Variants in RAD51B observed in about 807,000 individuals in gnomAD.
RAD51B encodes the protein DNA repair protein RAD51 homolog 2.
In RAD51B, 38 loss-of-function variants were observed where a neutral mutation model predicts 42.2. The ratio of observed to expected loss-of-function variants is 0.90; its 90% CI spans 0.70 to 1.18. RAD51B has a LOEUF of 1.18. RAD51B is among the 50% of genes most tolerant of loss of function. The pLI, the probability that RAD51B is intolerant of heterozygous loss-of-function variation, is 0.00. For missense variants in RAD51B, 373 were observed against 400.7 expected, an observed-to-expected ratio of 0.93 and a Z score of 0.59; for synonymous variants, 154 against 145.2, an observed-to-expected ratio of 1.06 and a Z score of -0.43.
At chr14:68,191,861 G>A (rs1235363763) in intron 7 of RAD51B, among the ~76,000 whole-genome samples, 1 of 152,140 alleles carries the variant, frequency 6.6e-6, no homozygotes, top group Non-Finnish European at 1.5e-5. Flanking sequence ...AGTTACCTTG[G>A]TTGTGTAAGA....
At chr14:68,044,914 C>T (rs982855202) in intron 7 of RAD51B, among the ~76,000 whole-genome samples, 4 of 152,044 alleles carry the variant, frequency 2.6e-5, no homozygotes, top group Non-Finnish European at 4.4e-5. Flanking sequence ...AGTGTGGCAT[C>T]CCATGAGTCT....
At chr14:68,583,399 T>C (rs1594997106) in intron 10 of RAD51B, among the ~76,000 whole-genome samples, 1 of 152,186 alleles carries the variant, frequency 6.6e-6, no homozygotes, top group South Asian at 2.1e-4. Context: ...GGGGTCCAGG[T>C]AAGGGTACAA....
At chr14:67,954,116 C>T (rs567391536) in intron 7 of RAD51B, among the ~76,000 whole-genome samples, 7 of 152,246 alleles carry the variant, frequency 4.6e-5, no homozygotes, top group African/African-American at 1.7e-4. Flanking sequence ...CTCTTCTGTA[C>T]TCCATGGTTA....
intron 8 of RAD51B, among the ~76,000 whole-genome samples, chr14:68,357,800 A>G (rs1297197106): frequency 6.6e-6 from 1 of 152,156 alleles, no homozygotes; most frequent in Non-Finnish European, 1.5e-5. Context: ...ACCATGCTAC[A>G]AACAGATGTG....
chr14:68,151,843 TTTTTTTTTTTTTTTTTTG>T (rs1835192030), intron 7 of RAD51B, among the ~76,000 whole-genome samples: 1 of 117,798 alleles, frequency 8.5e-6, no homozygotes, highest in African/African-American at 3.2e-5. Flanking sequence ...TTTTTTTTTT[TTTTTTTTTTTTTTTTTTG>T]AGATGGAGTT....
intron 10 of RAD51B, among the ~76,000 whole-genome samples, chr14:68,580,842 G>GCACA: frequency 6.6e-6 from 1 of 152,156 alleles, no homozygotes; most frequent in Non-Finnish European, 1.5e-5. Flanking sequence ...CCTCAGCACA[G>GCACA]TATAGCCTTG....
chr14:68,024,930 T>C (rs540822507), intron 7 of RAD51B, among the ~76,000 whole-genome samples: 10 of 152,238 alleles, frequency 6.6e-5, no homozygotes, highest in African/African-American at 2.2e-4. Context: ...CTTGTTCCAG[T>C]TCTCAAGGGG....
At chr14:68,664,544 C>A (rs1420001256) in intron 11 of RAD51B, among the ~76,000 whole-genome samples, 1 of 152,168 alleles carries the variant, frequency 6.6e-6, no homozygotes, top group Non-Finnish European at 1.5e-5. Flanking sequence ...GATCTGGGCC[C>A]TGTGAAAGCT....
At chr14:67,943,140 A>G (rs952732749) in intron 7 of RAD51B, among the ~76,000 whole-genome samples, 1 of 152,056 alleles carries the variant, frequency 6.6e-6, no homozygotes, top group Non-Finnish European at 1.5e-5. Flanking sequence ...TGCTTTCAAA[A>G]GTGATTCTAA....
chr14:68,420,881 G>A (rs1294346409), intron 9 of RAD51B, among the ~76,000 whole-genome samples: 1 of 152,216 alleles, frequency 6.6e-6, no homozygotes, highest in Non-Finnish European at 1.5e-5. Context: ...GCCTCTGACA[G>A]TTATCACTGT....
At chr14:68,608,040 A>G (rs2140103384) in intron 10 of RAD51B, among the ~76,000 whole-genome samples, 1 of 152,330 alleles carries the variant, frequency 6.6e-6, no homozygotes, top group Middle Eastern at 3.4e-3. Context: ...AAAGGTTCTG[A>G]GAGGCCTGAG....
intron 8 of RAD51B, among the ~76,000 whole-genome samples, chr14:68,411,029 C>T (rs1000602224): frequency 1.3e-5 from 2 of 152,082 alleles, no homozygotes; most frequent in African/African-American, 4.8e-5. Flanking sequence ...TCTTGTCTAG[C>T]TAAAAATGTC....
chr14:68,168,124 G>A (rs771961857), intron 7 of RAD51B, among the ~76,000 whole-genome samples: 2 of 152,036 alleles, frequency 1.3e-5, no homozygotes, highest in Non-Finnish European at 2.9e-5. Context: ...CTTGGGGTGG[G>A]CCACATAGTC....
intron 10 of RAD51B, among the ~76,000 whole-genome samples, chr14:68,587,095 CTA>C (rs1195270552): frequency 6.6e-6 from 1 of 152,172 alleles, no homozygotes; most frequent in Non-Finnish European, 1.5e-5. Context: ...CTGCTCTCTG[CTA>C]TATGTCAGTG....
At chr14:67,873,125 A>AAG (rs1408378499) in intron 5 of RAD51B, among the ~76,000 whole-genome samples, 1 of 152,224 alleles carries the variant, frequency 6.6e-6, no homozygotes, top group African/African-American at 2.4e-5. Flanking sequence ...TGCACAGCAA[A>AAG]AGAAACTACC....
At chr14:68,381,820 C>G (rs2083484308) in intron 8 of RAD51B, among the ~76,000 whole-genome samples, 1 of 152,210 alleles carries the variant, frequency 6.6e-6, no homozygotes, top group Admixed American at 6.5e-5. Flanking sequence ...CTACCCAAAA[C>G]CCCTTCCAGT....
At chr14:68,464,820 T>C (rs569603613) in intron 9 of RAD51B, among the ~76,000 whole-genome samples, 1 of 152,360 alleles carries the variant, frequency 6.6e-6, no homozygotes, top group Non-Finnish European at 1.5e-5. Flanking sequence ...ATCACTTCCT[T>C]TTTTCTGACT....
chr14:67,969,904 G>A (rs1266278488), intron 7 of RAD51B, among the ~76,000 whole-genome samples: 2 of 152,102 alleles, frequency 1.3e-5, no homozygotes, highest in African/African-American at 4.8e-5. Context: ...ACTAAGAAAC[G>A]TGGACTGAAT....
At chr14:68,508,996 G>A (rs1885531485) in intron 10 of RAD51B, among the ~76,000 whole-genome samples, 1 of 152,218 alleles carries the variant, frequency 6.6e-6, no homozygotes, top group East Asian at 1.9e-4. Context: ...TTCTGTCTCT[G>A]CCCCGCTAGC....
Sources: gnomAD v4.1 joint callset for allele counts (sites outside exome capture counted in the v4.1 genomes callset) on GRCh38, gnomAD v4.1.1 for gene constraint, MANE v1.5 for transcripts, NCBI Gene and HGNC (gene_info 2026-07-23, HGNC 2026-07-21) for gene names.